The following TMEM132C variants were observed in gnomAD, a reference collection of about 807,000 sequenced individuals.
The protein encoded by TMEM132C is transmembrane protein 132C.
A neutral mutation model predicts 61.4 loss-of-function variants in TMEM132C; 29 were observed. That is an observed-to-expected ratio of 0.47 (90% CI 0.35 to 0.64). The LOEUF (loss-of-function observed/expected upper bound fraction) is 0.64, where lower values mean the gene tolerates loss of function less well. Ranked by LOEUF, TMEM132C falls within the 30% of genes least tolerant of loss-of-function variation. TMEM132C has a pLI of 0.00. For missense variants in TMEM132C, 1,408 were observed against 1,476.9 expected, an observed-to-expected ratio of 0.95 and a Z score of 0.76; for synonymous variants, 656 against 633.1, an observed-to-expected ratio of 1.04 and a Z score of -0.54.
intron 3 of TMEM132C, among the ~76,000 whole-genome samples, chr12:128,608,762 G>A (rs1876514042): frequency 6.6e-6 from 1 of 152,138 alleles, no homozygotes; most frequent in African/African-American, 2.4e-5. Context: ...CACAGCTATT[G>A]ATAGTTTTTC....
chr12:128,546,213 A>G (rs1873944769), intron 3 of TMEM132C, among the ~76,000 whole-genome samples: 1 of 152,212 alleles, frequency 6.6e-6, no homozygotes, highest in South Asian at 2.1e-4. Context: ...TTGTGAAAAC[A>G]TGGCCAGAAA....
At chr12:128,425,246 C>T (rs1201241975) in intron 2 of TMEM132C, among the ~76,000 whole-genome samples, 1 of 152,252 alleles carries the variant, frequency 6.6e-6, no homozygotes, top group Non-Finnish European at 1.5e-5. Context: ...TCCCCACCTG[C>T]ACACCGCGGC....
chr12:128,347,944 T>G (rs1873224650), intron 1 of TMEM132C, among the ~76,000 whole-genome samples: 2 of 152,218 alleles, frequency 1.3e-5, no homozygotes, highest in Admixed American at 6.5e-5. Flanking sequence ...CAATTCCATG[T>G]GAGTTATAGG....
At chr12:128,609,866 C>T (rs1451307244) in intron 3 of TMEM132C, among the ~76,000 whole-genome samples, 1 of 152,226 alleles carries the variant, frequency 6.6e-6, no homozygotes, top group Admixed American at 6.5e-5. Flanking sequence ...GCACTGTCCT[C>T]TCTAGAACTG....
At chr12:128,677,835 C>A (rs1954604667) in intron 5 of TMEM132C, among the ~76,000 whole-genome samples, 1 of 152,218 alleles carries the variant, frequency 6.6e-6, no homozygotes, top group Non-Finnish European at 1.5e-5. Flanking sequence ...GCTAATGGAT[C>A]CCAGTGCAGA....
chr12:128,579,936 A>G (rs1875266077), intron 3 of TMEM132C, among the ~76,000 whole-genome samples: 1 of 136,546 alleles, frequency 7.3e-6, no homozygotes. Context: ...TGGATAGGTG[A>G]CTAAAATTTA....
intron 2 of TMEM132C, among the ~76,000 whole-genome samples, chr12:128,477,604 G>A (rs1871192110): frequency 6.6e-6 from 1 of 152,082 alleles, no homozygotes; most frequent in Non-Finnish European, 1.5e-5. Context: ...GTTTGAGACA[G>A]AGTCTCACTC....
intron 1 of TMEM132C, among the ~76,000 whole-genome samples, chr12:128,392,787 A>T (rs999652209): frequency 1.9e-5 from 1 of 52,896 alleles, no homozygotes; most frequent in African/African-American, 9.9e-5. Flanking sequence ...CTGATGAGCT[A>T]AAAAAAAAAA....
At chr12:128,424,329 C>T (rs1869105825) in intron 2 of TMEM132C, among the ~76,000 whole-genome samples, 1 of 151,986 alleles carries the variant, frequency 6.6e-6, no homozygotes, top group Non-Finnish European at 1.5e-5. Flanking sequence ...ATGCGTAGAT[C>T]ACCTCATGAA....
chr12:128,373,182 C>T (rs975815357), intron 1 of TMEM132C, among the ~76,000 whole-genome samples: 3 of 152,110 alleles, frequency 2.0e-5, no homozygotes, highest in African/African-American at 7.2e-5. Context: ...TGGTTTAACT[C>T]AGCTGTTTTG....
rs529552782 is a variant in TMEM132C at position 128,267,617 on chromosome 12, G to C, written c.85+130G>C. 1.3e-4 allele frequency: 96 copies of C among 753,634 alleles called. No individual in the cohort carries two copies. In the African/African-American group the frequency reaches 1.7e-3, roughly 14 times the overall value. 46.7% of individuals were successfully genotyped at this position (753,634 alleles called of 1,614,324 possible). ...GGCGGGGGCTCGGATCCCATCAACA[G>C]CGCCTCTGCGGGTGCCGAGCCGCCC... On this transcript the variant is annotated intron_variant, in intron 1 of 8. Transcript: ENST00000435159.
intron 2 of TMEM132C, among the ~76,000 whole-genome samples, chr12:128,423,905 G>A (rs890839500): frequency 6.6e-6 from 1 of 151,690 alleles, no homozygotes; most frequent in Non-Finnish European, 1.5e-5. Context: ...AATTAGCTGG[G>A]CGTGGTGGCA....
At chr12:128,404,234 G>A (rs1272049140) in intron 1 of TMEM132C, among the ~76,000 whole-genome samples, 1 of 152,166 alleles carries the variant, frequency 6.6e-6, no homozygotes, top group Non-Finnish European at 1.5e-5. Context: ...ATTCAAGAGG[G>A]AAGCAGGACC....
intron 2 of TMEM132C, among the ~76,000 whole-genome samples, chr12:128,423,926 G>T (rs1166142832): frequency 1.3e-5 from 2 of 151,396 alleles, no homozygotes; most frequent in Non-Finnish European, 2.9e-5. Context: ...GGTACCTGTA[G>T]TCCCAGCTAC....
intron 3 of TMEM132C, among the ~76,000 whole-genome samples, chr12:128,560,012 C>T (rs1465889567): frequency 6.6e-6 from 1 of 152,224 alleles, no homozygotes; most frequent in Non-Finnish European, 1.5e-5. Flanking sequence ...CTTTGGGAGG[C>T]TGAGGCAGGT....
intron 1 of TMEM132C, among the ~76,000 whole-genome samples, chr12:128,306,296 G>A (rs80308353): frequency 6.8e-6 from 1 of 147,088 alleles, no homozygotes; most frequent in African/African-American, 2.5e-5. Context: ...TCTGCCCCCC[G>A]GGTTCTGCCA....
At chr12:128,619,298 A>C (rs1357116970) in intron 4 of TMEM132C, among the ~76,000 whole-genome samples, 1 of 152,218 alleles carries the variant, frequency 6.6e-6, no homozygotes, top group African/African-American at 2.4e-5. Context: ...CCTTAAAATC[A>C]AGCATTCTGA....
At chr12:128,302,593 TA>T (rs1177381319) in intron 1 of TMEM132C, among the ~76,000 whole-genome samples, 2 of 152,192 alleles carry the variant, frequency 1.3e-5, no homozygotes, top group African/African-American at 2.4e-5. Flanking sequence ...ACAAATTTGG[TA>T]GCAAGTTTTT....
At chr12:128,602,334 G>T (rs1231665712) in intron 3 of TMEM132C, among the ~76,000 whole-genome samples, 2 of 152,216 alleles carry the variant, frequency 1.3e-5, no homozygotes, top group Non-Finnish European at 2.9e-5. Context: ...CATTGCACTT[G>T]GTGTCTCCCC....
Sources: allele counts gnomAD v4.1 joint callset (sites outside exome capture counted in the v4.1 genomes callset), GRCh38; gene constraint gnomAD v4.1.1; transcripts MANE v1.5; gene names NCBI Gene and HGNC (gene_info 2026-07-23, HGNC 2026-07-21).